The following PIK3C2B variants were observed in gnomAD, a reference collection of about 807,000 sequenced individuals.
PIK3C2B encodes the protein phosphatidylinositol 4-phosphate 3-kinase C2 domain-containing subunit beta.
In PIK3C2B, 83 loss-of-function variants were observed where a neutral mutation model predicts 184.3. The observed-to-expected ratio is 0.45, with a 90% confidence interval of 0.38 to 0.54. PIK3C2B has a LOEUF of 0.54. Ranked by LOEUF, PIK3C2B falls within the 20% of genes least tolerant of loss-of-function variation. The pLI is 0.00. For synonymous variants in PIK3C2B, 779 were observed against 837.6 expected (o/e 0.93, Z 1.21); for missense variants, 1,736 against 2,113.5 (o/e 0.82, Z 3.50).
chr1:204,428,851 G>A (rs1674885717), intron 29 of PIK3C2B: 3 of 443,566 alleles, frequency 6.8e-6, no homozygotes, highest in Non-Finnish European at 1.3e-5. Flanking sequence ...AAGTGTTTAG[G>A]TGATGGATAT....
Position 204,489,836 on chromosome 1 carries a change from G to A in PIK3C2B, c.-85+4520C>T, listed in dbSNP as rs1657893034. On this transcript the variant is annotated intron_variant, in intron 1 of 32. Coordinates refer to ENST00000684373, the MANE Select transcript of PIK3C2B (RefSeq NM_001377334.1). ...CATACCTGATTCTTCTACCTGGCAA[G>A]GCAAACTGTAGTTTTTCCTCAAAAT... 3 of 397,628 alleles carry A rather than the reference G, an allele frequency of 7.5e-6. No individual in the cohort carries two copies. The Admixed American group carries it at 1.3e-4, about 18-fold the overall frequency. 24.6% of individuals were successfully genotyped at this position (397,628 alleles called of 1,614,324 possible).
intron 13 of PIK3C2B, 24 bp from the exon 14 acceptor site, chr1:204,449,320 G>A (rs1192422540): frequency 4.5e-6 from 7 of 1,558,654 alleles, no homozygotes; most frequent in South Asian, 1.2e-5. Flanking sequence ...AGAGTGGGAA[G>A]AGCTGCTAAA....
At chr1:204,449,722 A>G in intron 13 of PIK3C2B, 128 bp downstream of exon 13, 1 of 815,290 alleles carries the variant, frequency 1.2e-6, no homozygotes, top group East Asian at 2.7e-5. Flanking sequence ...GATCCTCTGG[A>G]CTTCACCAGT....
rs201516350 is a variant in PIK3C2B, at chr1:204,444,418, C to T, written c.2685G>A (p.Pro895=). The part of the protein sequence containing the change: ...DALGLLHATF[P]DQEVRRMAVQ... ...CAGCCATACGACGCACCTCCTGGTC[C>T]GGGAAGCTGCAAAACAGAGCCCAGT... is the stretch of plus-strand genomic sequence containing the variant. The change falls in exon 17 of 33, where the codon CCG becomes CCA. Residue 895 remains proline (P), a synonymous_variant. Transcript: ENST00000684373. 37 of 1,612,250 alleles carry T rather than the reference C, an allele frequency of 2.3e-5. No individual in the cohort carries two copies. The East Asian group carries it at 2.7e-4, about 12-fold the overall frequency.
intron 24 of PIK3C2B, among the ~76,000 whole-genome samples, chr1:204,434,205 C>T (rs1438896703): frequency 2.6e-5 from 4 of 152,166 alleles, no homozygotes; most frequent in African/African-American, 7.2e-5. Context: ...CAGTTTGGTT[C>T]ATTTCCCTTT....
chr1:204,479,647 G>C (rs1656976600), intron 1 of PIK3C2B, among the ~76,000 whole-genome samples: 1 of 152,168 alleles, frequency 6.6e-6, no homozygotes, highest in Non-Finnish European at 1.5e-5. Flanking sequence ...TTTAGGCCTG[G>C]CCTCCCCCAT....
Position 204,447,480 on chromosome 1 carries a change from G to T in PIK3C2B, c.2445C>A (p.Asp815Glu). 1.9e-6 allele frequency: 3 copies of T among 1,613,640 alleles called. No individual in the cohort carries two copies. Among genetic ancestry groups the T allele is most frequent in the Non-Finnish European group, 2.5e-6 (3 of 1,179,846 alleles). The change falls in exon 15 of 33, where the codon GAC becomes GAA. Residue 815 changes from aspartate (D) to glutamate (E), a missense_variant. Coordinates refer to ENST00000684373, the MANE Select transcript of PIK3C2B (RefSeq NM_001377334.1). The surrounding 1 kb of genome is among the most constrained non-coding windows in gnomAD (Gnocchi z 4.1). ...GCATGATGTCTTTAAGCTTGCGCTG[G>T]TCTTCTTCCCGGAGGCTGCCAAACT... ...RYEFGSLREE[D>E]QRKLKDIMQK...
chr1:204,468,949 G>T lies in PIK3C2B; in HGVS notation c.854C>A (p.Pro285His), dbSNP rs774034329. The change falls in exon 2 of 33, where the codon CCC becomes CAC. Residue 285 changes from proline to histidine, a missense_variant. By Grantham distance (77) the Pro-to-His change is moderately conservative. This residue lies in a region of PIK3C2B where 404 missense variants were observed against 418.0 expected (regional missense o/e 0.97). Transcript: ENST00000684373. ...ARSKTMPPQV[P>H]PRTYASRYGN... ...ATAGCGGGAGGCATAGGTGCGGGGG[G>T]GCACCTGAGGGGGCATAGTCTTGCT... The T allele has an allele frequency of 1.2e-6, 2 of 1,614,008 alleles. No homozygotes were observed. Among genetic ancestry groups the T allele is most frequent in the Non-Finnish European group, 1.7e-6 (2 of 1,179,902 alleles).
At chr1:204,425,330 G>A (rs1674688166) in intron 32 of PIK3C2B, among the ~76,000 whole-genome samples, 1 of 152,090 alleles carries the variant, frequency 6.6e-6, no homozygotes, top group Non-Finnish European at 1.5e-5. Flanking sequence ...CACAGGATAG[G>A]GCCAGACCCC....
intron 1 of PIK3C2B, among the ~76,000 whole-genome samples, chr1:204,483,712 C>T (rs1383890900): frequency 6.6e-6 from 1 of 152,212 alleles, no homozygotes. Context: ...TGCCTTTCTC[C>T]GATCTCTTAT....
chr1:204,449,839 G>A lies in PIK3C2B; in HGVS notation c.2234+11C>T. The A allele has an allele frequency of 6.3e-7, 1 of 1,596,718 alleles. No individual in the cohort carries two copies. Among genetic ancestry groups the A allele is most frequent in the Non-Finnish European group, 8.5e-7 (1 of 1,171,252 alleles). On this transcript the variant is annotated intron_variant, in intron 13 of 32. Coordinates refer to ENST00000684373, the MANE Select transcript of PIK3C2B (RefSeq NM_001377334.1). ...CCAAGGCCAAGAAGCTGTACCCTGG[G>A]GCTCACATACTGCCTGAAGTTGAAG...
Position 204,454,805 on chromosome 1 carries a change from G to A in PIK3C2B, c.1944-14C>T, listed in dbSNP as rs761001401. 6.2e-6 allele frequency: 10 copies of A among 1,607,636 alleles called. No homozygotes were observed. The highest frequency in any genetic ancestry group is 8.5e-6 in the Non-Finnish European group (10 of 1,179,518). ...AAATCTTCATAGCTATAAAAGAAAGGGAGCAGGTCAGGACACCCAGCTCCC... is the reference window on the plus strand; with the variant it reads ...AAATCTTCATAGCTATAAAAGAAAGAGAGCAGGTCAGGACACCCAGCTCCC... On this transcript the variant is annotated splice_polypyrimidine_tract_variant and intron_variant, in intron 11 of 32. Transcript: ENST00000684373.
At chr1:204,461,703 A>T (rs2103505618) in intron 5 of PIK3C2B, among the ~76,000 whole-genome samples, 1 of 152,256 alleles carries the variant, frequency 6.6e-6, no homozygotes, top group Admixed American at 6.5e-5. Flanking sequence ...ACTGAAGTGC[A>T]GCCAAAACCT....
chr1:204,434,463 G>A lies in PIK3C2B; in HGVS notation c.3662C>T (p.Ala1221Val). 1 of 1,614,120 alleles carries A rather than the reference G, an allele frequency of 6.2e-7. No homozygotes were observed. Among genetic ancestry groups the A allele is most frequent in the South Asian group, 1.1e-5 (1 of 91,072 alleles). Residue 1221 changes from alanine to valine, a missense_variant, in exon 24 of 33, where the codon GCC (alanine) becomes GTC (valine). Physicochemically the swap from Ala to Val is moderately conservative, Grantham distance 64. This residue lies in a region of PIK3C2B where 119 missense variants were observed against 179.3 expected (regional missense o/e 0.66). Coordinates refer to ENST00000684373, the MANE Select transcript of PIK3C2B (RefSeq NM_001377334.1). ...CCGCTTGATGTTGCCAAACATCTGG[G>A]CATGGCCCAGGAAGCGGCCAAAATC... is the stretch of plus-strand genomic sequence containing the variant. ...HIDFGRFLGH[A>V]QMFGNIKRDR...
At chr1:204,446,635 C>T (rs911775479) in intron 15 of PIK3C2B, among the ~76,000 whole-genome samples, 1 of 152,168 alleles carries the variant, frequency 6.6e-6, no homozygotes, top group Non-Finnish European at 1.5e-5. Context: ...GACCAGCTGT[C>T]GGCTTTCAAG....
At chr1:204,454,519 C>A in intron 12 of PIK3C2B, 150 bp downstream of exon 12, 19 of 608,260 alleles carry the variant, frequency 3.1e-5, no homozygotes, top group Non-Finnish European at 4.7e-5. Context: ...GAAGTGGAGA[C>A]TCAAGAGGTT....
intron 1 of PIK3C2B, among the ~76,000 whole-genome samples, chr1:204,490,763 A>C (rs1657953583): frequency 6.6e-6 from 1 of 152,038 alleles, no homozygotes; most frequent in Non-Finnish European, 1.5e-5. Context: ...GTCTCAACAG[A>C]AAAAGAAAAA....
At chr1:204,440,131 G>A in intron 22 of PIK3C2B, 61 bp downstream of exon 22, 22 of 1,528,454 alleles carry the variant, frequency 1.4e-5, no homozygotes, top group Non-Finnish European at 2.0e-5. Flanking sequence ...GTTGGCAATG[G>A]GCAGAAGGAC....
chr1:204,448,667 C>A (rs1383514482), intron 14 of PIK3C2B, among the ~76,000 whole-genome samples: 1 of 149,014 alleles, frequency 6.7e-6, no homozygotes. Flanking sequence ...CCTCAGGGAG[C>A]TTTCATTCTA....
Sources: allele counts gnomAD v4.1 joint callset (sites outside exome capture counted in the v4.1 genomes callset), GRCh38; gene constraint gnomAD v4.1.1; regional missense constraint gnomAD v4.1.1; non-coding constraint Gnocchi (gnomAD v3.1); transcripts MANE v1.5; gene names NCBI Gene and HGNC (gene_info 2026-07-23, HGNC 2026-07-21).